COPS8: variants seen among roughly 807,000 people sequenced by gnomAD.
The protein encoded by COPS8 is COP9 signalosome subunit 8, also known as COP9 signalosome complex subunit 8.
COPS8 carries 11 observed loss-of-function variants against 31.5 expected under a neutral mutation model. That is an observed-to-expected ratio of 0.35 (90% CI 0.22 to 0.58). COPS8 has a LOEUF of 0.58. COPS8 is among the 20% of genes least tolerant of loss of function. The pLI is 0.83. For missense variants in COPS8, 215 were observed against 255.1 expected, an observed-to-expected ratio of 0.84 and a Z score of 1.07; for synonymous variants, 81 against 89.3, an observed-to-expected ratio of 0.91 and a Z score of 0.52.
chr2:237,086,058 G>A lies in COPS8; in HGVS notation c.78+16G>A, dbSNP rs751558046. Reference sequence around the variant, plus strand: ...GGAGCTCGAGGTAACCCTTTGCGTCGCGCTGGGAGAAACTGCGGAGTAGTC... The same window carrying A: ...GGAGCTCGAGGTAACCCTTTGCGTCACGCTGGGAGAAACTGCGGAGTAGTC... On this transcript the variant is annotated intron_variant, in intron 1 of 7. Coordinates refer to ENST00000354371, the MANE Select transcript of COPS8 (RefSeq NM_006710.5). The A allele has an allele frequency of 5.6e-6, 9 of 1,610,002 alleles. No homozygotes were observed. Among genetic ancestry groups the A allele is most frequent in the Middle Eastern group, 1.7e-4 (1 of 6,054 alleles).
rs571831962 is a variant in COPS8 at position 237,086,119 on chromosome 2, G to A, written c.78+77G>A. On this transcript the variant is annotated intron_variant, in intron 1 of 7. Transcript: ENST00000354371. ...GGGCGGCACCAGTTTCCAGGGTAAC[G>A]GGGTCTGAGGCTAGCGGGCTTTGGG... 225 of 1,350,030 alleles carry A rather than the reference G, an allele frequency of 1.7e-4. 6 individuals are homozygous for A. Among genetic ancestry groups the A allele is most frequent in the South Asian group, 9.3e-4 (75 of 80,876 alleles). 83.6% of individuals were successfully genotyped at this position (1,350,030 alleles called of 1,614,324 possible).
rs557901190 is a variant in COPS8, at chr2:237,097,720, A to G, written c.608A>G (p.Tyr203Cys). 2.5e-6 allele frequency: 4 copies of G among 1,612,294 alleles called. No homozygotes were observed. In the African/African-American group the frequency reaches 4.0e-5, roughly 16 times the overall value. Residue 203 changes from tyrosine to cysteine, a missense_variant, in exon 8 of 8, where the codon TAT becomes TGT. Physicochemically the swap from Tyr to Cys is radical, Grantham distance 194 (BLOSUM62 -2). Coordinates refer to ENST00000354371, the MANE Select transcript of COPS8 (RefSeq NM_006710.5). ...CAGCAGTTAGCCAGACTGACGGATT[A>G]TGTGGCTTTCCTTGAAAACTGATTT... ...NEQQLARLTD[Y>C]VAFLEN
intron 5 of COPS8, 21 bp downstream of exon 5, chr2:237,094,218 A>G: frequency 6.2e-7 from 1 of 1,606,978 alleles, no homozygotes; most frequent in African/African-American, 1.3e-5. Context: ...CTTACTTTTT[A>G]CTTATAAGGA....
intron 4 of COPS8, 118 bp from the exon 5 acceptor site, chr2:237,093,972 T>C (rs1696750169): frequency 1.4e-6 from 2 of 1,459,454 alleles, no homozygotes; most frequent in South Asian, 1.5e-5. Flanking sequence ...CAGAAATCTT[T>C]GGGTTCATCT....
intron 3 of COPS8, 137 bp downstream of exon 3, chr2:237,088,790 C>A: frequency 1.9e-6 from 1 of 520,820 alleles, no homozygotes; most frequent in Non-Finnish European, 3.3e-6. Flanking sequence ...CGAAATAAAT[C>A]TTCAGAGTCC....
chr2:237,095,715 A>G (rs1009793480), intron 5 of COPS8, 107 bp from the exon 6 acceptor site: 8 of 720,016 alleles, frequency 1.1e-5, no homozygotes, highest in Non-Finnish European at 1.8e-5. Context: ...ATGACGGGTT[A>G]TACTAAACAC....
Position 237,094,207 on chromosome 2 carries a change from G to A in COPS8, c.439+10G>A, listed in dbSNP as rs764329716. The A allele has an allele frequency of 9.3e-6, 15 of 1,611,960 alleles. No homozygotes were observed. The highest frequency in any genetic ancestry group is 1.3e-5 in the Non-Finnish European group (15 of 1,178,940). On this transcript the variant is annotated intron_variant, in intron 5 of 7. Transcript: ENST00000354371. ...GAAGAGGCTGTGAAAGGTAATTTTGGCTTACTTTTTACTTATAAGGAAAAT... is the reference window on the plus strand; with the variant it reads ...GAAGAGGCTGTGAAAGGTAATTTTGACTTACTTTTTACTTATAAGGAAAAT...
chr2:237,090,193 C>G (rs1696681658), intron 4 of COPS8, among the ~76,000 whole-genome samples, 199 bp downstream of exon 4: 1 of 152,014 alleles, frequency 6.6e-6, no homozygotes, highest in Non-Finnish European at 1.5e-5. Context: ...GGCTGCTGTG[C>G]TTTTGTTGTT....
intron 6 of COPS8, 100 bp downstream of exon 6, chr2:237,095,984 T>C (rs1696793354): frequency 1.0e-5 from 8 of 803,722 alleles, no homozygotes; most frequent in South Asian, 1.5e-5. Flanking sequence ...AAAATTCGGC[T>C]ATACTAACAC....
At chr2:237,094,261 A>C in intron 5 of COPS8, 64 bp downstream of exon 5, 1 of 1,458,882 alleles carries the variant, frequency 6.9e-7, no homozygotes, top group Non-Finnish European at 9.5e-7. Flanking sequence ...TTGTAGGTTC[A>C]CAGTCTCCTC....
At chr2:237,086,645 A>G (rs1574835001) in intron 1 of COPS8, 1 of 197,720 alleles carries the variant, frequency 5.1e-6, no homozygotes, top group Non-Finnish European at 9.2e-6. Flanking sequence ...CAGCTCACTA[A>G]TAGATAATAG....
At chr2:237,092,917 G>T (rs1331033807) in intron 4 of COPS8, among the ~76,000 whole-genome samples, 1 of 152,216 alleles carries the variant, frequency 6.6e-6, no homozygotes, top group South Asian at 2.1e-4. Flanking sequence ...GATGCTAGGT[G>T]TTTGGGGGAC....
Position 237,085,928 on chromosome 2 carries a change from C to G in COPS8, c.-37C>G, listed in dbSNP as rs565120531. ...GCCTGAGGGACAGTCTGGGGTTTGG[C>G]TGTCCGGACGGTGCAGCGGCGAGGC... On this transcript the variant is annotated 5_prime_UTR_variant, in exon 1 of 8. Coordinates refer to ENST00000354371, the MANE Select transcript of COPS8 (RefSeq NM_006710.5). 1.3e-5 allele frequency: 20 copies of G among 1,598,952 alleles called. No homozygotes were observed. The Middle Eastern group carries it at 6.6e-4, about 53-fold the overall frequency.
At chr2:237,090,497 T>C (rs1022742915) in intron 4 of COPS8, among the ~76,000 whole-genome samples, 38 of 152,232 alleles carry the variant, frequency 2.5e-4, no homozygotes, top group African/African-American at 9.2e-4. Context: ...ATTCCCTGCC[T>C]CTCTACAGTC....
intron 4 of COPS8, 48 bp downstream of exon 4, chr2:237,090,042 C>T (rs1696678610): frequency 1.3e-6 from 2 of 1,588,306 alleles, no homozygotes; most frequent in South Asian, 1.1e-5. Context: ...GACTTAGTCC[C>T]TAAGTGCTGC....
chr2:237,090,603 G>A (rs1696689981), intron 4 of COPS8, among the ~76,000 whole-genome samples: 1 of 152,016 alleles, frequency 6.6e-6, no homozygotes, highest in South Asian at 2.1e-4. Flanking sequence ...ATTTCTTATT[G>A]TTACCCTTAC....
chr2:237,093,921 C>G, intron 4 of COPS8, 169 bp from the exon 5 acceptor site: 2 of 1,310,186 alleles, frequency 1.5e-6, no homozygotes, highest in Non-Finnish European at 1.9e-6. Flanking sequence ...ATATTTGAAC[C>G]CCCCGTACAT....
intron 5 of COPS8, among the ~76,000 whole-genome samples, chr2:237,095,604 C>T (rs1347442190): frequency 6.6e-6 from 1 of 152,090 alleles, no homozygotes. Flanking sequence ...ATGATTATAG[C>T]AACCTAATAG....
rs550869860 is a variant in COPS8, at chr2:237,093,047, A to G, written c.332-1043A>G. On this transcript the variant is annotated intron_variant, in intron 4 of 7. Transcript: ENST00000354371. The stretch of plus-strand genomic sequence containing the variant: ...TGCTTGTTAAAGTAGAAGTGTAAAC[A>G]ATACTGCTGAGTTTAGAGAAGGGCA... Among the ~76,000 whole-genome samples the G allele has an allele frequency of 1.6e-4, 25 of 152,322 alleles. No homozygotes were observed. In the South Asian group the frequency reaches 4.8e-3, roughly 29 times the overall value.
Sources: gnomAD v4.1 joint callset for allele counts (sites outside exome capture counted in the v4.1 genomes callset) on GRCh38, gnomAD v4.1.1 for gene constraint, MANE v1.5 for transcripts, NCBI Gene and HGNC (gene_info 2026-07-23, HGNC 2026-07-21) for gene names.